The following TRIM37 variants were observed in gnomAD, a reference collection of about 807,000 sequenced individuals.
TRIM37 encodes tripartite motif containing 37.
In TRIM37, 80 loss-of-function variants were observed where a neutral mutation model predicts 129.8. The ratio of observed to expected loss-of-function variants is 0.62; its 90% confidence interval spans 0.51 to 0.74. The LOEUF is 0.74. TRIM37 is among the 30% of genes least tolerant of loss of function. The probability of loss-of-function intolerance (pLI) is 0.00; values close to 1 mark genes in which losing one functional copy is unlikely to be tolerated. For missense variants in TRIM37, 1,054 were observed against 1,176.5 expected, an observed-to-expected ratio of 0.90 and a Z score of 1.52; for synonymous variants, 389 against 387.1, an observed-to-expected ratio of 1.00 and a Z score of -0.06.
intron 12 of TRIM37, 57 bp downstream of exon 12, chr17:59,060,975 G>C (rs2041436009): frequency 7.8e-7 from 1 of 1,281,980 alleles, no homozygotes; most frequent in South Asian, 1.2e-5. Context: ...AACAAAAATT[G>C]CTAGGGGGAA....
At chr17:59,041,574 T>A (rs1432973518) in intron 17 of TRIM37, among the ~76,000 whole-genome samples, 1 of 152,230 alleles carries the variant, frequency 6.6e-6, no homozygotes, top group Non-Finnish European at 1.5e-5. Flanking sequence ...ATTTTATTAA[T>A]ATAAGGTACT....
Position 59,043,154 on chromosome 17 carries a change from T to A in TRIM37, c.1668-1256A>T, listed in dbSNP as rs892383064. Among the ~76,000 whole-genome samples the A allele has an allele frequency of 2.0e-5, 3 of 152,124 alleles. No homozygotes were observed. In the East Asian group the frequency reaches 5.8e-4, roughly 29 times the overall value. ...CAAAGTCTCTCATGTTAAAAAACAA[T>A]CACTATTACTTTATTTTAAACAACA... On this transcript the variant is annotated intron_variant, in intron 16 of 23. Transcript: ENST00000262294.
chr17:59,083,785 G>A lies in TRIM37; in HGVS notation c.369+217C>T, dbSNP rs907591269. On this transcript the variant is annotated intron_variant, in intron 5 of 23. Coordinates refer to ENST00000262294, the MANE Select transcript of TRIM37 (RefSeq NM_015294.6). ...TGAATAGAGGATATGTTTTATAGGT[G>A]TTACAGATTAAAATATTTACATAAG... 3.3e-5 allele frequency among the ~76,000 whole-genome samples: 5 copies of A among 152,252 alleles called. No individual in the cohort carries two copies. The South Asian group carries it at 1.0e-3, about 32-fold the overall frequency.
At chr17:59,027,678 A>G (rs529563136) in intron 19 of TRIM37, among the ~76,000 whole-genome samples, 6 of 152,200 alleles carry the variant, frequency 3.9e-5, no homozygotes, top group Non-Finnish European at 8.8e-5. Context: ...CATCTTTGTA[A>G]AGTGTAAATC....
At chr17:59,036,489 CGT>C (rs1367533914) in intron 17 of TRIM37, among the ~76,000 whole-genome samples, 1 of 138,608 alleles carries the variant, frequency 7.2e-6, no homozygotes, top group Non-Finnish European at 1.6e-5. Context: ...TGTGTGCACG[CGT>C]GTGTTTTAAG....
At chr17:59,103,965 T>C (rs528177596) in intron 2 of TRIM37, among the ~76,000 whole-genome samples, 2 of 152,316 alleles carry the variant, frequency 1.3e-5, no homozygotes, top group Non-Finnish European at 2.9e-5. Flanking sequence ...GAGTGTCTTG[T>C]AATTGTAAGA....
At chr17:59,004,586 A>G (rs914474116) in intron 22 of TRIM37, among the ~76,000 whole-genome samples, 1 of 152,194 alleles carries the variant, frequency 6.6e-6, no homozygotes, top group Non-Finnish European at 1.5e-5. Flanking sequence ...AAAATTTCCA[A>G]TATCAGGAAT....
chr17:58,990,317 C>T (rs1439080538), intron 24 of TRIM37, among the ~76,000 whole-genome samples: 3 of 151,152 alleles, frequency 2.0e-5, no homozygotes, highest in Non-Finnish European at 2.9e-5. Flanking sequence ...ATGGAGAAAC[C>T]CTATCTCTAC....
chr17:59,078,350 G>T (rs1219258481), intron 7 of TRIM37, among the ~76,000 whole-genome samples: 1 of 152,086 alleles, frequency 6.6e-6, no homozygotes, highest in Non-Finnish European at 1.5e-5. Flanking sequence ...AGCAGGGCAA[G>T]TTCAGTTATT....
intron 16 of TRIM37, among the ~76,000 whole-genome samples, chr17:59,044,112 A>G (rs2039528170): frequency 6.6e-6 from 1 of 152,126 alleles, no homozygotes; most frequent in Non-Finnish European, 1.5e-5. Flanking sequence ...CCTAGAACAT[A>G]GTAAGGCAAC....
At chr17:59,076,618 T>C (rs953674636) in intron 7 of TRIM37, among the ~76,000 whole-genome samples, 2 of 152,196 alleles carry the variant, frequency 1.3e-5, no homozygotes, top group African/African-American at 4.8e-5. Context: ...AAGTGCTTTA[T>C]ATGTTTTGAA....
At chr17:59,087,465 T>TC (rs1444652191) in intron 4 of TRIM37, among the ~76,000 whole-genome samples, 2 of 151,032 alleles carry the variant, frequency 1.3e-5, no homozygotes, top group African/African-American at 4.9e-5. Flanking sequence ...TTTCTTTTTT[T>TC]TTTTTTTTTT....
At chr17:59,053,430 T>C (rs1271957865) in intron 13 of TRIM37, among the ~76,000 whole-genome samples, 3 of 152,188 alleles carry the variant, frequency 2.0e-5, no homozygotes, top group Non-Finnish European at 4.4e-5. Context: ...ATAGCATTAT[T>C]TTATAATAAG....
chr17:58,969,167 G>A, the TRIM37 span, among the ~76,000 whole-genome samples: 1 of 152,138 alleles, frequency 6.6e-6, no homozygotes, highest in East Asian at 1.9e-4. Context: ...ATCTGGAGCT[G>A]CTTTTGTTCA....
intron 13 of TRIM37, among the ~76,000 whole-genome samples, chr17:59,055,294 C>A (rs546886637): frequency 6.9e-6 from 1 of 144,326 alleles, no homozygotes; most frequent in Non-Finnish European, 1.5e-5. Flanking sequence ...CAAGATCGCG[C>A]CATTGCGCTC....
intron 5 of TRIM37, among the ~76,000 whole-genome samples, chr17:59,082,239 C>G (rs1414019186): frequency 6.6e-6 from 1 of 152,058 alleles, no homozygotes; most frequent in Non-Finnish European, 1.5e-5. Flanking sequence ...CCACTGCACT[C>G]CAGCCTGGGT....
rs143872279 is a variant in TRIM37 at position 59,106,285 on chromosome 17, G to A, written c.21+156C>T. Among the ~76,000 whole-genome samples the A allele has an allele frequency of 3.5e-3, 528 of 152,326 alleles. 3 individuals carry two copies. The highest frequency in any genetic ancestry group is 5.0e-3 in the Non-Finnish European group (337 of 68,024). On this transcript the variant is annotated intron_variant, in intron 1 of 23. Coordinates refer to ENST00000262294, the MANE Select transcript of TRIM37 (RefSeq NM_015294.6). ...AAGACACCCGGAGCGCTGCAGAATG[G>A]GCACGGCATCCTTGGTACCGGGCCA...
the TRIM37 span, among the ~76,000 whole-genome samples, chr17:58,977,461 T>G: frequency 5.6e-3 from 813 of 144,580 alleles, 3 homozygotes; most frequent in Middle Eastern, 0.014. Flanking sequence ...AAAAAAGAAA[T>G]AATGAATGAA....
At chr17:59,004,570 G>A (rs2034227555) in intron 22 of TRIM37, among the ~76,000 whole-genome samples, 1 of 152,070 alleles carries the variant, frequency 6.6e-6, no homozygotes, top group African/African-American at 2.4e-5. Flanking sequence ...CAAAAAGAGA[G>A]CAAACAAAAT....
Sources: allele counts gnomAD v4.1 joint callset (sites outside exome capture counted in the v4.1 genomes callset), GRCh38; gene constraint gnomAD v4.1.1; transcripts MANE v1.5; gene names NCBI Gene and HGNC (gene_info 2026-07-23, HGNC 2026-07-21).